RAB38: variants seen among roughly 807,000 people sequenced by gnomAD.
RAB38 encodes ras-related protein Rab-38.
A neutral mutation model predicts 18.4 loss-of-function variants in RAB38; 15 were observed. The observed-to-expected ratio is 0.82, with a 90% CI of 0.55 to 1.26. The LOEUF (loss-of-function observed/expected upper bound fraction) is 1.26, where lower values mean the gene tolerates loss of function less well. RAB38 is among the 50% of genes most tolerant of loss of function. The pLI is 0.00. For missense variants in RAB38, 294 were observed against 267.4 expected (o/e 1.10, Z -0.69); for synonymous variants, 101 against 104.4 (o/e 0.97, Z 0.20).
At chr11:87,975,449 C>T in the RAB38 span, among the ~76,000 whole-genome samples, 1 of 151,844 alleles carries the variant, frequency 6.6e-6, no homozygotes, top group Admixed American at 6.6e-5. Context: ...GAAAACTCTT[C>T]AGATAGAATG....
chr11:87,940,778 G>C, the RAB38 span, among the ~76,000 whole-genome samples: 1 of 151,946 alleles, frequency 6.6e-6, no homozygotes, highest in African/African-American at 2.4e-5. Context: ...GATTACAGGT[G>C]CACACCACTA....
At chr11:87,940,839 C>T in the RAB38 span, among the ~76,000 whole-genome samples, 6 of 151,868 alleles carry the variant, frequency 4.0e-5, no homozygotes, top group Non-Finnish European at 7.4e-5. Flanking sequence ...CACCATATTG[C>T]CAGGCTTGTC....
chr11:87,829,074 T>G, the RAB38 span, among the ~76,000 whole-genome samples: 56 of 152,224 alleles, frequency 3.7e-4, no homozygotes, highest in Non-Finnish European at 7.5e-4. Context: ...ATTCTGATGT[T>G]TTCAGATTAA....
the RAB38 span, among the ~76,000 whole-genome samples, chr11:87,810,279 T>C: frequency 6.6e-6 from 1 of 152,160 alleles, no homozygotes; most frequent in South Asian, 2.1e-4. Context: ...TGAGATGGGG[T>C]CTTACTATGT....
At chr11:88,026,660 G>A in the RAB38 span, among the ~76,000 whole-genome samples, 3 of 150,616 alleles carry the variant, frequency 2.0e-5, no homozygotes, top group African/African-American at 7.3e-5. Flanking sequence ...TTACAGACAT[G>A]AGCCACTGCA....
chr11:87,894,361 A>G, the RAB38 span, among the ~76,000 whole-genome samples: 1 of 151,680 alleles, frequency 6.6e-6, no homozygotes, highest in Non-Finnish European at 1.5e-5. Flanking sequence ...GAAACAATAT[A>G]TATTTACTAT....
the RAB38 span, among the ~76,000 whole-genome samples, chr11:88,017,388 AAGAGAG>A: frequency 6.7e-6 from 1 of 150,164 alleles, no homozygotes; most frequent in Non-Finnish European, 1.5e-5. Flanking sequence ...CACAAACGCA[AAGAGAG>A]AGAGAGAGAG....
chr11:88,134,030 T>A (rs756417126), intron 2 of RAB38, among the ~76,000 whole-genome samples: 16 of 152,190 alleles, frequency 1.1e-4, no homozygotes, highest in Admixed American at 3.3e-4. Context: ...GATCTTTAAA[T>A]ATTACCTATA....
the RAB38 span, among the ~76,000 whole-genome samples, chr11:88,059,788 T>C: frequency 3.9e-5 from 6 of 152,280 alleles, no homozygotes; most frequent in Middle Eastern, 3.4e-3. Context: ...ATGGTCAACA[T>C]TGGAGCCTTC....
At chr11:87,976,464 T>C in the RAB38 span, among the ~76,000 whole-genome samples, 9 of 134,496 alleles carry the variant, frequency 6.7e-5, no homozygotes, top group Admixed American at 8.1e-5. Flanking sequence ...AATATATATA[T>C]TTTACATATA....
At chr11:88,110,069 G>A (rs528215719), downstream of RAB38, among the ~76,000 whole-genome samples, 62 of 152,248 alleles carry the variant, frequency 4.1e-4, no homozygotes, top group African/African-American at 1.3e-3. Flanking sequence ...ATATCCACAC[G>A]TATGTTTATT....
the RAB38 span, among the ~76,000 whole-genome samples, chr11:88,086,349 C>G: frequency 6.6e-6 from 1 of 151,772 alleles, no homozygotes; most frequent in Non-Finnish European, 1.5e-5. Flanking sequence ...GAAATAAACC[C>G]CATTCTTGTG....
intron 2 of RAB38, among the ~76,000 whole-genome samples, chr11:88,116,891 TGAG>T (rs1232821743): frequency 3.3e-5 from 5 of 152,182 alleles, no homozygotes; most frequent in Non-Finnish European, 5.9e-5. Context: ...AATCTACTAA[TGAG>T]GAGAATTCAA....
the RAB38 span, among the ~76,000 whole-genome samples, chr11:88,078,334 A>T: frequency 6.6e-6 from 1 of 151,998 alleles, no homozygotes; most frequent in East Asian, 1.9e-4. Flanking sequence ...AAAAGAAAGA[A>T]ATTCAATCTA....
At chr11:87,937,379 A>G in the RAB38 span, among the ~76,000 whole-genome samples, 1 of 136,040 alleles carries the variant, frequency 7.4e-6, no homozygotes, top group Non-Finnish European at 1.6e-5. Context: ...GTATTTTGTT[A>G]AGTATATTAT....
the RAB38 span, among the ~76,000 whole-genome samples, chr11:87,820,486 C>A: frequency 2.0e-5 from 3 of 152,168 alleles, no homozygotes; most frequent in South Asian, 6.2e-4. Context: ...ATAATCTCAC[C>A]ATCTGGTTCA....
At chr11:88,079,521 A>T in the RAB38 span, among the ~76,000 whole-genome samples, 6 of 151,850 alleles carry the variant, frequency 4.0e-5, no homozygotes, top group East Asian at 1.2e-3. Flanking sequence ...TCTTCTAAGA[A>T]TTTGAAGAAG....
the RAB38 span, among the ~76,000 whole-genome samples, chr11:87,905,940 T>A: frequency 1.2e-4 from 18 of 152,100 alleles, no homozygotes; most frequent in South Asian, 8.3e-4. Context: ...AACTTTGATT[T>A]CTGTCTCTTC....
the RAB38 span, among the ~76,000 whole-genome samples, chr11:87,911,531 ATTCT>A: frequency 6.6e-6 from 1 of 151,886 alleles, no homozygotes; most frequent in Non-Finnish European, 1.5e-5. Context: ...GATGGTTCTG[ATTCT>A]TTATTTAATT....
Sources: allele counts gnomAD v4.1 joint callset (sites outside exome capture counted in the v4.1 genomes callset), GRCh38; gene constraint gnomAD v4.1.1; transcripts MANE v1.5; gene names NCBI Gene and HGNC (gene_info 2026-07-23, HGNC 2026-07-21).